Variants in CSMD1 observed in about 807,000 individuals in gnomAD.
CSMD1 encodes CUB and sushi domain-containing protein 1.
In CSMD1, 213 loss-of-function variants were observed where a neutral mutation model predicts 417.5. The ratio of observed to expected loss-of-function variants is 0.51; its 90% CI spans 0.46 to 0.57. The LOEUF is 0.57. Ranked by LOEUF, CSMD1 falls within the 20% of genes least tolerant of loss-of-function variation. The pLI, the probability that CSMD1 is intolerant of heterozygous loss-of-function variation, is 0.00. For missense variants in CSMD1, 6,923 were observed against 4,529.7 expected (o/e 1.53, Z -15.17); for synonymous variants, 2,862 against 1,736.8 (o/e 1.65, Z -16.11).
chr8:4,798,214 C>T (rs182204978), intron 1 of CSMD1, among the ~76,000 whole-genome samples: 205 of 152,178 alleles, frequency 1.3e-3, no homozygotes, highest in Non-Finnish European at 2.4e-3. Context: ...TTCTTGTGTC[C>T]AAGTGTTCTC....
chr8:4,071,066 G>C (rs926786176), intron 3 of CSMD1, among the ~76,000 whole-genome samples: 1 of 152,170 alleles, frequency 6.6e-6, no homozygotes, highest in Non-Finnish European at 1.5e-5. Flanking sequence ...TGGTGTACAT[G>C]GTTATGGTTT....
At chr8:3,662,001 C>A (rs544159358) in intron 7 of CSMD1, among the ~76,000 whole-genome samples, 5 of 152,042 alleles carry the variant, frequency 3.3e-5, no homozygotes, top group Non-Finnish European at 5.9e-5. Context: ...CTACGCAGAC[C>A]TTGATGGAAG....
chr8:4,836,117 C>G (rs1800470396), intron 1 of CSMD1, among the ~76,000 whole-genome samples: 1 of 152,100 alleles, frequency 6.6e-6, no homozygotes, highest in South Asian at 2.1e-4. Flanking sequence ...AGAGCTTCAG[C>G]TTTCCAATTT....
rs1300158959 is a variant in CSMD1 at position 3,984,809 on chromosome 8, C to CA, written c.818+13093dup. Among the ~76,000 whole-genome samples, 10 of 143,228 alleles carry CA rather than the reference C, an allele frequency of 7.0e-5. No individual in the cohort carries two copies. In the East Asian group the frequency reaches 1.8e-3, roughly 26 times the overall value. 94.0% of individuals were successfully genotyped at this position (143,228 alleles called of 152,430 possible). ...TGGGTGTAAAGGGAGATCACACACA[C>CA]AAAAAACTAGAGGGAATGGAAGAGA... On this transcript the variant is annotated intron_variant, in intron 5 of 69. Transcript: ENST00000635120.
chr8:3,978,860 A>C (rs1461121757), intron 5 of CSMD1, among the ~76,000 whole-genome samples: 1 of 152,126 alleles, frequency 6.6e-6, no homozygotes, highest in Non-Finnish European at 1.5e-5. Flanking sequence ...CAGCGCTCCC[A>C]TTAGGTTTAA....
chr8:4,398,454 T>C (rs1804413104), intron 3 of CSMD1, among the ~76,000 whole-genome samples: 1 of 135,638 alleles, frequency 7.4e-6, no homozygotes, highest in Non-Finnish European at 1.5e-5. Context: ...AGCGCAGTGG[T>C]GCGATCTCGG....
intron 3 of CSMD1, among the ~76,000 whole-genome samples, chr8:4,042,815 T>TTAAAAAA (rs1487345501): frequency 1.5e-4 from 6 of 41,312 alleles, no homozygotes; most frequent in Non-Finnish European, 2.1e-4. Context: ...TACAACATAT[T>TTAAAAAA]AAAAAAAAAA....
intron 29 of CSMD1, among the ~76,000 whole-genome samples, chr8:3,215,411 T>C (rs1232174627): frequency 6.6e-6 from 1 of 152,250 alleles, no homozygotes; most frequent in Non-Finnish European, 1.5e-5. Context: ...GGGCTCATTA[T>C]GTACCAGACA....
intron 4 of CSMD1, among the ~76,000 whole-genome samples, chr8:4,009,023 G>A (rs1217258387): frequency 2.0e-5 from 3 of 152,104 alleles, no homozygotes; most frequent in East Asian, 1.9e-4. Context: ...ATTTCCATCA[G>A]AGTAATTATT....
At chr8:3,415,201 T>A (rs559872609) in intron 12 of CSMD1, among the ~76,000 whole-genome samples, 2 of 152,242 alleles carry the variant, frequency 1.3e-5, no homozygotes, top group Non-Finnish European at 2.9e-5. Context: ...GTACGTATCA[T>A]AATGGCTAAG....
intron 1 of CSMD1, among the ~76,000 whole-genome samples, chr8:4,968,412 C>A (rs1367809727): frequency 6.6e-6 from 1 of 152,052 alleles, no homozygotes; most frequent in Non-Finnish European, 1.5e-5. Context: ...AAAAAAATAA[C>A]ACCCAAGCCC....
intron 10 of CSMD1, among the ~76,000 whole-genome samples, chr8:3,511,388 A>T (rs556694822): frequency 1.3e-5 from 2 of 148,982 alleles, no homozygotes; most frequent in African/African-American, 2.5e-5. Context: ...AAAAAAAAAA[A>T]TTCCTTAACT....
chr8:4,219,055 G>C (rs1008491755), intron 3 of CSMD1, among the ~76,000 whole-genome samples: 1 of 152,136 alleles, frequency 6.6e-6, no homozygotes, highest in Admixed American at 6.5e-5. Context: ...TCATACGTTA[G>C]AGGTACACCG....
At chr8:3,664,294 T>C (rs1384076684) in intron 7 of CSMD1, among the ~76,000 whole-genome samples, 1 of 152,224 alleles carries the variant, frequency 6.6e-6, no homozygotes, top group African/African-American at 2.4e-5. Context: ...TTTGGTTTTC[T>C]GTCCTTGCAA....
chr8:3,505,335 G>C (rs1012048898), intron 10 of CSMD1, among the ~76,000 whole-genome samples: 2 of 152,142 alleles, frequency 1.3e-5, no homozygotes, highest in African/African-American at 4.8e-5. Context: ...AGGAGCAAAA[G>C]ATGAAAAGAA....
chr8:3,413,877 G>A (rs1387702837), intron 12 of CSMD1, among the ~76,000 whole-genome samples: 3 of 151,966 alleles, frequency 2.0e-5, no homozygotes, highest in African/African-American at 2.4e-5. Flanking sequence ...GGTAGCTCAC[G>A]CCTGTAATCC....
chr8:3,788,018 G>C (rs1043415072), intron 5 of CSMD1, among the ~76,000 whole-genome samples: 4 of 152,152 alleles, frequency 2.6e-5, no homozygotes, highest in African/African-American at 9.7e-5. Flanking sequence ...AAAAAGAGGT[G>C]TCTTTGGCTA....
intron 3 of CSMD1, among the ~76,000 whole-genome samples, chr8:4,230,892 C>A (rs7834905): frequency 4.6e-5 from 7 of 151,824 alleles, no homozygotes; most frequent in Non-Finnish European, 1.0e-4. Context: ...GAGTCACCAC[C>A]AAATTCAATA....
chr8:4,452,773 A>C (rs910462546), intron 2 of CSMD1, among the ~76,000 whole-genome samples: 16 of 152,234 alleles, frequency 1.1e-4, no homozygotes, highest in African/African-American at 3.9e-4. Context: ...AATAACACAA[A>C]TCCAATAAAG....
Sources: gnomAD v4.1 joint callset for allele counts (sites outside exome capture counted in the v4.1 genomes callset) on GRCh38, gnomAD v4.1.1 for gene constraint, MANE v1.5 for transcripts, NCBI Gene and HGNC (gene_info 2026-07-23, HGNC 2026-07-21) for gene names.